The following STK10 variants were observed in gnomAD, a reference collection of about 807,000 sequenced individuals.
STK10 encodes serine/threonine-protein kinase 10.
A neutral mutation model predicts 113.8 loss-of-function variants in STK10; 78 were observed. That is an observed-to-expected ratio of 0.69 (90% CI 0.57 to 0.83). The LOEUF is 0.83. Ranked by LOEUF, STK10 falls within the 40% of genes least tolerant of loss-of-function variation. The pLI is 0.00. For synonymous variants in STK10, 465 were observed against 494.7 expected, an observed-to-expected ratio of 0.94 and a Z score of 0.80; for missense variants, 1,109 against 1,280.1, an observed-to-expected ratio of 0.87 and a Z score of 2.04.
chr5:172,076,711 C>T (rs1768315667), intron 12 of STK10, among the ~76,000 whole-genome samples: 1 of 152,148 alleles, frequency 6.6e-6, no homozygotes, highest in African/African-American at 2.4e-5. Context: ...TTATTTGTGC[C>T]ACTTCTGCTT....
At chr5:172,106,452 CG>C (rs75163934) in intron 6 of STK10, among the ~76,000 whole-genome samples, 167 bp downstream of exon 6, 22,778 of 135,390 alleles carry the variant, frequency 0.17, 2,104 homozygotes, top group African/African-American at 0.27. Flanking sequence ...ACGAAGGGCC[CG>C]GGGGGGCTCA....
intron 3 of STK10, among the ~76,000 whole-genome samples, chr5:172,122,772 C>A (rs1321149086): frequency 6.6e-6 from 1 of 152,146 alleles, no homozygotes; most frequent in East Asian, 1.9e-4. Context: ...TACAGGCGCC[C>A]GCCACCATGC....
At chr5:172,098,854 A>G (rs1356717735) in intron 7 of STK10, among the ~76,000 whole-genome samples, 1 of 151,992 alleles carries the variant, frequency 6.6e-6, no homozygotes, top group East Asian at 1.9e-4. Context: ...GGCAGCCATC[A>G]TCATCATCAT....
chr5:172,099,159 A>C (rs59306240), intron 7 of STK10, among the ~76,000 whole-genome samples: 15,680 of 148,896 alleles, frequency 0.11, 2,681 homozygotes, highest in African/African-American at 0.36. Context: ...TCACCATTAC[A>C]CCCATCACCA....
intron 12 of STK10, among the ~76,000 whole-genome samples, chr5:172,076,971 T>C (rs1186310230): frequency 7.8e-6 from 1 of 128,478 alleles, no homozygotes; most frequent in Admixed American, 7.3e-5. Flanking sequence ...CCACTGACCA[T>C]GGAGGGCGAA....
chr5:172,153,325 A>AGAGAGAG (rs1770283325), intron 2 of STK10, among the ~76,000 whole-genome samples: 1 of 141,992 alleles, frequency 7.0e-6, no homozygotes, highest in African/African-American at 2.7e-5. Flanking sequence ...AGAAAGAAAG[A>AGAGAGAG]AATGTAAAAT....
rs368671444 is a variant in STK10, at chr5:172,106,401, C to CAAAAAAAAAAA, written c.788+208_788+218dup. 2.2e-4 allele frequency among the ~76,000 whole-genome samples: 12 copies of CAAAAAAAAAAA among 53,436 alleles called. 1 individual carries two copies. The highest frequency in any genetic ancestry group is 2.4e-3 in the South Asian group (2 of 826). 35.1% of individuals were successfully genotyped at this position (53,436 alleles called of 152,430 possible). On this transcript the variant is annotated intron_variant, in intron 6 of 18. Transcript: ENST00000176763. ...TGGGCAAAAGAGTGAGACCCTATCT[C>CAAAAAAAAAAA]AAAAAAAAAAAAAAAAAGGAACACA... is the stretch of plus-strand genomic sequence containing the variant.
chr5:172,079,151 T>C (rs1167885668), intron 12 of STK10, among the ~76,000 whole-genome samples: 2 of 152,244 alleles, frequency 1.3e-5, no homozygotes, highest in Admixed American at 1.3e-4. Context: ...CTCCTGCCTG[T>C]GGCCCACTGC....
At chr5:172,111,848 G>C (rs1304892314) in intron 4 of STK10, among the ~76,000 whole-genome samples, 1 of 152,172 alleles carries the variant, frequency 6.6e-6, no homozygotes, top group East Asian at 1.9e-4. Flanking sequence ...TAAATAAAGA[G>C]ACAGAATTTG....
intron 3 of STK10, among the ~76,000 whole-genome samples, chr5:172,122,713 T>C (rs1769538785): frequency 1.3e-5 from 2 of 152,180 alleles, no homozygotes; most frequent in Non-Finnish European, 2.9e-5. Flanking sequence ...AAGCTCCGCC[T>C]CCCAGGTTCA....
chr5:172,091,287 T>C (rs1429324199), intron 9 of STK10, among the ~76,000 whole-genome samples: 1 of 152,180 alleles, frequency 6.6e-6, no homozygotes, highest in African/African-American at 2.4e-5. Flanking sequence ...TAGCCAAAGC[T>C]GACCTGGCCT....
At chr5:172,106,980 C>A (rs1769128696) in intron 5 of STK10, 166 bp from the exon 6 acceptor site, 1 of 617,980 alleles carries the variant, frequency 1.6e-6, no homozygotes, top group East Asian at 3.3e-5. Flanking sequence ...GACGCTCTTC[C>A]ACAGAAAAAC....
At chr5:172,057,962 CTT>C (rs1767845937) in intron 14 of STK10, among the ~76,000 whole-genome samples, 1 of 152,194 alleles carries the variant, frequency 6.6e-6, no homozygotes, top group Non-Finnish European at 1.5e-5. Flanking sequence ...AGAATGGCCT[CTT>C]GTCACTATTT....
At chr5:172,081,429 A>G (rs1262344512) in intron 12 of STK10, among the ~76,000 whole-genome samples, 1 of 151,938 alleles carries the variant, frequency 6.6e-6, no homozygotes, top group Non-Finnish European at 1.5e-5. Context: ...AGCCCAGGTG[A>G]CAGCACATCT....
chr5:172,106,449 G>GC (rs1258237023), intron 6 of STK10, among the ~76,000 whole-genome samples, 171 bp downstream of exon 6: 1 of 138,254 alleles, frequency 7.2e-6, no homozygotes, highest in African/African-American at 2.7e-5. Context: ...GGCACGAAGG[G>GC]CCCGGGGGGG....
In STK10 at chr5:172,102,385, C is replaced by T. The variant is rs536315560; in HGVS notation, c.870+3271G>A. Reference sequence around the variant, plus strand: ...TGGGAAAGCCAGTGGTGGAGCACGTCGGCGAAAAGATCCAAGTGCTCAGCG... The same window carrying T: ...TGGGAAAGCCAGTGGTGGAGCACGTTGGCGAAAAGATCCAAGTGCTCAGCG... On this transcript the variant is annotated intron_variant, in intron 7 of 18. Coordinates refer to ENST00000176763, the MANE Select transcript of STK10 (RefSeq NM_005990.4). 3.3e-5 allele frequency among the ~76,000 whole-genome samples: 5 copies of T among 152,270 alleles called. No individual in the cohort carries two copies. In the South Asian group the frequency reaches 1.0e-3, roughly 32 times the overall value.
At chr5:172,048,907 T>C (rs1341656116) in intron 18 of STK10, among the ~76,000 whole-genome samples, 3 of 151,976 alleles carry the variant, frequency 2.0e-5, no homozygotes, top group African/African-American at 7.3e-5. Context: ...GGTCTCCTTG[T>C]TTCACGAGCA....
At chr5:172,115,739 C>T (rs1018538294) in intron 4 of STK10, among the ~76,000 whole-genome samples, 1 of 152,182 alleles carries the variant, frequency 6.6e-6, no homozygotes, top group African/African-American at 2.4e-5. Flanking sequence ...TTGCTAGGTC[C>T]CAAATCCATC....
chr5:172,117,480 C>T lies in STK10; in HGVS notation c.520+1G>A. The T allele has an allele frequency of 1.2e-6, 2 of 1,610,792 alleles. No homozygotes were observed. The highest frequency in any genetic ancestry group is 1.7e-6 in the Non-Finnish European group (2 of 1,179,900). The stretch of plus-strand genomic sequence containing the variant: ...CACCTTTCCCACCCTGAGCCCCTTA[C>T]CCAGCCTGATGTCTCCCTCGAGGGT... On this transcript the variant is annotated splice_donor_variant, in intron 4 of 18. Coordinates refer to ENST00000176763, the MANE Select transcript of STK10 (RefSeq NM_005990.4). LOFTEE classifies it high-confidence loss of function.
Sources: gnomAD v4.1 joint callset for allele counts (sites outside exome capture counted in the v4.1 genomes callset) on GRCh38, gnomAD v4.1.1 for gene constraint, MANE v1.5 for transcripts, NCBI Gene and HGNC (gene_info 2026-07-23, HGNC 2026-07-21) for gene names.